Variants in VDAC1 observed in about 807,000 individuals in gnomAD.
The protein encoded by VDAC1 is non-selective voltage-gated ion channel VDAC1.
In VDAC1, 10 loss-of-function variants were observed where a neutral mutation model predicts 34.7. That is an observed-to-expected ratio of 0.29 (90% CI 0.18 to 0.49). VDAC1 has a LOEUF of 0.49. Among genes scored for constraint, VDAC1 ranks in the 20% least tolerant of loss-of-function variants. The pLI is 0.99. For synonymous variants in VDAC1, 130 were observed against 136.0 expected (o/e 0.96, Z 0.30); for missense variants, 230 against 347.9 (o/e 0.66, Z 2.69).
At chr5:133,972,883 G>C in intron 8 of VDAC1, 21 bp from the exon 9 acceptor site, 1 of 1,579,842 alleles carries the variant, frequency 6.3e-7, no homozygotes, top group East Asian at 2.2e-5. Context: ...AAAAATGAGG[G>C]AGAGGAAAGG....
At chr5:134,112,558 G>A in the VDAC1 span, among the ~76,000 whole-genome samples, 1 of 152,204 alleles carries the variant, frequency 6.6e-6, no homozygotes, top group Admixed American at 6.5e-5. Context: ...GACCCCATAG[G>A]ACAGTTGTTC....
intron 1 of VDAC1, among the ~76,000 whole-genome samples, chr5:133,993,667 C>A (rs1753189665): frequency 6.6e-6 from 1 of 152,188 alleles, no homozygotes; most frequent in South Asian, 2.1e-4. Context: ...ATACATCCTC[C>A]AAATACATTA....
intron 1 of VDAC1, among the ~76,000 whole-genome samples, chr5:133,996,065 G>T (rs2126996044): frequency 6.6e-6 from 1 of 152,350 alleles, no homozygotes; most frequent in Middle Eastern, 3.4e-3. Flanking sequence ...ATGAAGCAGG[G>T]CAGTCTGGCA....
chr5:133,986,794 C>T (rs1002045699), intron 5 of VDAC1, among the ~76,000 whole-genome samples: 1 of 152,146 alleles, frequency 6.6e-6, no homozygotes, highest in African/African-American at 2.4e-5. Context: ...GAGCGTGGTA[C>T]ACTTTCTAAA....
chr5:134,029,061 G>A, the VDAC1 span, among the ~76,000 whole-genome samples: 1 of 152,120 alleles, frequency 6.6e-6, no homozygotes, highest in Admixed American at 6.5e-5. Flanking sequence ...GTTTGTCTAG[G>A]ACAGTTCCAG....
At chr5:134,066,073 G>A in the VDAC1 span, among the ~76,000 whole-genome samples, 7 of 151,692 alleles carry the variant, frequency 4.6e-5, no homozygotes, top group Non-Finnish European at 1.0e-4. Context: ...GATTACAGGT[G>A]TGAGCCACCG....
the VDAC1 span, among the ~76,000 whole-genome samples, chr5:134,047,493 CTT>C: frequency 6.6e-6 from 1 of 152,220 alleles, no homozygotes; most frequent in East Asian, 1.9e-4. Flanking sequence ...GACAAATGCT[CTT>C]GTGTCCAACT....
upstream of VDAC1, chr5:134,004,980 C>T (rs1321312497): frequency 2.6e-5 from 4 of 152,284 alleles, no homozygotes; most frequent in Non-Finnish European, 4.4e-5. Context: ...TGAGTCGGGG[C>T]ACGGGGAGGC....
chr5:134,100,530 C>A, the VDAC1 span, among the ~76,000 whole-genome samples: 1 of 152,210 alleles, frequency 6.6e-6, no homozygotes, highest in Non-Finnish European at 1.5e-5. Flanking sequence ...ACCCAGCCTG[C>A]AGCCTCCTGC....
chr5:133,990,613 G>C (rs542865765), intron 5 of VDAC1, among the ~76,000 whole-genome samples: 1 of 152,342 alleles, frequency 6.6e-6, no homozygotes, highest in South Asian at 2.1e-4. Context: ...GTGGCACTTA[G>C]AAATCGTTTG....
the VDAC1 span, among the ~76,000 whole-genome samples, chr5:134,091,279 C>T: frequency 1.0e-3 from 158 of 152,308 alleles, no homozygotes; most frequent in African/African-American, 3.8e-3. Context: ...CTGTCCCACC[C>T]ACATCCTTCC....
At chr5:133,981,030 T>TA in intron 5 of VDAC1, 74 bp from the exon 6 acceptor site, 4 of 1,256,874 alleles carry the variant, frequency 3.2e-6, no homozygotes, top group East Asian at 4.8e-5. Context: ...TTTTTTTTTT[T>TA]AATCCCAGGT....
At chr5:134,059,694 C>T in the VDAC1 span, among the ~76,000 whole-genome samples, 1 of 152,118 alleles carries the variant, frequency 6.6e-6, no homozygotes, top group Non-Finnish European at 1.5e-5. Flanking sequence ...TTATTTTGTG[C>T]TAGTATAATG....
chr5:133,979,906 T>C (rs969931546), intron 6 of VDAC1, among the ~76,000 whole-genome samples: 2 of 152,170 alleles, frequency 1.3e-5, no homozygotes, highest in Admixed American at 1.3e-4. Flanking sequence ...ATCTCTATAG[T>C]TTTCCTGTGA....
chr5:134,019,734 C>T, the VDAC1 span, among the ~76,000 whole-genome samples: 2 of 152,296 alleles, frequency 1.3e-5, no homozygotes, highest in Admixed American at 6.5e-5. Flanking sequence ...CCATCACATA[C>T]GCACATGCAC....
chr5:134,108,342 T>C, the VDAC1 span, among the ~76,000 whole-genome samples: 6 of 152,124 alleles, frequency 3.9e-5, no homozygotes, highest in Admixed American at 2.6e-4. Flanking sequence ...TTGGCCCATG[T>C]TAGTATCCAG....
the VDAC1 span, among the ~76,000 whole-genome samples, chr5:134,009,994 T>C: frequency 6.6e-6 from 1 of 152,220 alleles, no homozygotes; most frequent in Non-Finnish European, 1.5e-5. Flanking sequence ...AAATATGCTT[T>C]AATGAGGACA....
the VDAC1 span, among the ~76,000 whole-genome samples, chr5:134,062,580 C>T: frequency 6.6e-6 from 1 of 151,344 alleles, no homozygotes; most frequent in African/African-American, 2.4e-5. Context: ...AAGAAGCATT[C>T]TTTCTTTTCC....
At chr5:133,980,701 C>A in intron 6 of VDAC1, 28 bp downstream of exon 6, 1 of 857,192 alleles carries the variant, frequency 1.2e-6, no homozygotes, top group South Asian at 1.5e-5. Context: ...CCCACCCCTC[C>A]CACCCTGCTG....
Sources: gnomAD v4.1 joint callset for allele counts (sites outside exome capture counted in the v4.1 genomes callset) on GRCh38, gnomAD v4.1.1 for gene constraint, MANE v1.5 for transcripts, NCBI Gene and HGNC (gene_info 2026-07-23, HGNC 2026-07-21) for gene names.